PDCD6IP: variants seen among roughly 807,000 people sequenced by gnomAD.
The protein encoded by PDCD6IP is programmed cell death 6-interacting protein.
A neutral mutation model predicts 103.7 loss-of-function variants in PDCD6IP; 43 were observed. The observed-to-expected ratio is 0.41, with a 90% confidence interval of 0.32 to 0.53. The LOEUF is 0.53. Ranked by LOEUF, PDCD6IP falls within the 20% of genes least tolerant of loss-of-function variation. PDCD6IP has a pLI of 0.16. For synonymous variants in PDCD6IP, 354 were observed against 378.7 expected, an observed-to-expected ratio of 0.93 and a Z score of 0.76; for missense variants, 871 against 1,036.7, an observed-to-expected ratio of 0.84 and a Z score of 2.20.
chr3:33,854,362 G>C (rs371290614), intron 14 of PDCD6IP, among the ~76,000 whole-genome samples: 1 of 152,116 alleles, frequency 6.6e-6, no homozygotes, highest in Non-Finnish European at 1.5e-5. Flanking sequence ...GCTGATTTGT[G>C]ATGGAAAAGC....
At chr3:33,861,289 G>A (rs1408537122) in intron 15 of PDCD6IP, among the ~76,000 whole-genome samples, 3 of 151,782 alleles carry the variant, frequency 2.0e-5, no homozygotes, top group African/African-American at 7.3e-5. Context: ...GATTACAAGC[G>A]CCCACCACCA....
intron 7 of PDCD6IP, among the ~76,000 whole-genome samples, chr3:33,830,763 A>C (rs1697227928): frequency 6.6e-6 from 1 of 152,172 alleles, no homozygotes; most frequent in African/African-American, 2.4e-5. Flanking sequence ...GAGGACAGTT[A>C]TTCTTTCCGG....
At chr3:33,819,245 T>C (rs1696932486) in intron 3 of PDCD6IP, among the ~76,000 whole-genome samples, 2 of 152,246 alleles carry the variant, frequency 1.3e-5, no homozygotes, top group Middle Eastern at 3.4e-3. Flanking sequence ...CTTAAAACTT[T>C]TGAAAAAAAT....
intron 9 of PDCD6IP, among the ~76,000 whole-genome samples, chr3:33,839,585 T>G (rs1697425825): frequency 3.9e-5 from 6 of 152,226 alleles, no homozygotes; most frequent in Non-Finnish European, 2.9e-5. Context: ...GTATAAATCT[T>G]CGTGTGGACA....
At chr3:33,850,756 T>C (rs1014017634) in intron 12 of PDCD6IP, among the ~76,000 whole-genome samples, 5 of 152,276 alleles carry the variant, frequency 3.3e-5, no homozygotes, top group African/African-American at 1.2e-4. Context: ...GACTTTGTCA[T>C]ATCCACCCAC....
intron 7 of PDCD6IP, among the ~76,000 whole-genome samples, chr3:33,831,739 A>G (rs193238254): frequency 6.6e-6 from 1 of 150,602 alleles, no homozygotes; most frequent in Admixed American, 6.7e-5. Context: ...TTTCTTTGAA[A>G]TAGAAGCAAA....
chr3:33,829,141 T>C (rs1162876992), intron 7 of PDCD6IP, among the ~76,000 whole-genome samples, 172 bp downstream of exon 7: 3 of 152,220 alleles, frequency 2.0e-5, no homozygotes, highest in Non-Finnish European at 2.9e-5. Context: ...TGAGGTCTCA[T>C]ATTTTATCTA....
intron 1 of PDCD6IP, among the ~76,000 whole-genome samples, chr3:33,804,399 A>G (rs1226630867): frequency 2.0e-5 from 3 of 152,230 alleles, no homozygotes; most frequent in Non-Finnish European, 4.4e-5. Context: ...TAGCACAATG[A>G]CGTTGCTACA....
intron 1 of PDCD6IP, among the ~76,000 whole-genome samples, chr3:33,800,227 G>C (rs1407283817): frequency 6.6e-6 from 1 of 151,468 alleles, no homozygotes; most frequent in Non-Finnish European, 1.5e-5. Context: ...TCTTGCCTCC[G>C]TGATGCTTCC....
chr3:33,814,820 TATA>T (rs919133040), intron 3 of PDCD6IP, among the ~76,000 whole-genome samples: 13 of 138,234 alleles, frequency 9.4e-5, no homozygotes, highest in African/African-American at 3.4e-4. Context: ...GTATAGTATA[TATA>T]ATATGTATAC....
intron 7 of PDCD6IP, among the ~76,000 whole-genome samples, chr3:33,833,938 T>G (rs978752975): frequency 2.7e-5 from 4 of 145,576 alleles, no homozygotes; most frequent in Non-Finnish European, 6.1e-5. Context: ...AAGCCTACCC[T>G]GGATTAGGAA....
chr3:33,852,437 CT>C (rs59048229), intron 12 of PDCD6IP, 50 bp from the exon 13 acceptor site: 74,328 of 1,005,142 alleles, frequency 0.074, 78 homozygotes, highest in Non-Finnish European at 0.08. Flanking sequence ...TCGAAATTGG[CT>C]TTTTTTTTTT....
intron 12 of PDCD6IP, among the ~76,000 whole-genome samples, chr3:33,851,309 C>G (rs1271304480): frequency 6.6e-6 from 1 of 151,534 alleles, no homozygotes; most frequent in East Asian, 1.9e-4. Flanking sequence ...GGTTGATGTT[C>G]TTGGTGGTCT....
At chr3:33,810,029 A>G (rs1340926289) in intron 1 of PDCD6IP, among the ~76,000 whole-genome samples, 3 of 152,188 alleles carry the variant, frequency 2.0e-5, no homozygotes, top group African/African-American at 7.2e-5. Flanking sequence ...TTGACCTTAC[A>G]GTTAATAAGC....
intron 8 of PDCD6IP, 26 bp from the exon 9 acceptor site, chr3:33,838,178 G>C: frequency 6.2e-7 from 1 of 1,608,500 alleles, no homozygotes; most frequent in African/African-American, 1.3e-5. Flanking sequence ...TAAAAATTTT[G>C]TTGTAATTTC....
chr3:33,802,563 C>T (rs1396155476), intron 1 of PDCD6IP, among the ~76,000 whole-genome samples: 1 of 150,884 alleles, frequency 6.6e-6, no homozygotes, highest in African/African-American at 2.4e-5. Context: ...GATCTCGGCT[C>T]ACCACAACCT....
chr3:33,829,116 T>C (rs763320855), intron 7 of PDCD6IP, 147 bp downstream of exon 7: 15 of 464,500 alleles, frequency 3.2e-5, no homozygotes, highest in Non-Finnish European at 4.9e-5. Flanking sequence ...CTTTAGACTT[T>C]ACTGCATGTT....
chr3:33,837,392 C>A (rs1386417085), intron 8 of PDCD6IP, among the ~76,000 whole-genome samples: 1 of 152,128 alleles, frequency 6.6e-6, no homozygotes, highest in African/African-American at 2.4e-5. Context: ...AAGTGTTTAC[C>A]ATGTGCCAGG....
rs145942849 is a variant in PDCD6IP at position 33,823,156 on chromosome 3, G to A, written c.462+1074G>A. On this transcript the variant is annotated intron_variant, in intron 4 of 17. Coordinates refer to ENST00000307296, the MANE Select transcript of PDCD6IP (RefSeq NM_013374.6). ...ATAATGTCATTCCGATTTTACATAC[G>A]AGGAGGCTAAAGGTCCGAAGTCTTA... Among the ~76,000 whole-genome samples the A allele has an allele frequency of 6.5e-4, 99 of 152,114 alleles. No individual in the cohort carries two copies. The East Asian group carries it at 0.014, about 21-fold the overall frequency.
Sources: gnomAD v4.1 joint callset for allele counts (sites outside exome capture counted in the v4.1 genomes callset) on GRCh38, gnomAD v4.1.1 for gene constraint, MANE v1.5 for transcripts, NCBI Gene and HGNC (gene_info 2026-07-23, HGNC 2026-07-21) for gene names.